Variants in ARHGAP28 observed in about 807,000 individuals in gnomAD.
The protein encoded by ARHGAP28 is Rho GTPase activating protein 28.
ARHGAP28 carries 56 observed loss-of-function variants against 90.7 expected under a neutral mutation model. The ratio of observed to expected loss-of-function variants is 0.62; its 90% confidence interval spans 0.50 to 0.77. ARHGAP28 has a LOEUF of 0.77. Among genes scored for constraint, ARHGAP28 ranks in the 30% least tolerant of loss-of-function variants. The pLI, the probability that ARHGAP28 is intolerant of heterozygous loss-of-function variation, is 0.00. For synonymous variants in ARHGAP28, 308 were observed against 323.3 expected (o/e 0.95, Z 0.51); for missense variants, 869 against 900.9 (o/e 0.96, Z 0.45).
intron 1 of ARHGAP28, among the ~76,000 whole-genome samples, chr18:6,755,775 A>G (rs1455425717): frequency 6.6e-6 from 1 of 152,172 alleles, no homozygotes; most frequent in East Asian, 1.9e-4. Context: ...GTAGTATTCT[A>G]TGTTTTCTAA....
chr18:6,733,165 G>A (rs895914135), intron 1 of ARHGAP28, among the ~76,000 whole-genome samples: 2 of 152,050 alleles, frequency 1.3e-5, no homozygotes, highest in Admixed American at 1.3e-4. Flanking sequence ...AGGGAGTTGT[G>A]GGTACCTAAA....
At chr18:6,825,032 C>A in intron 2 of ARHGAP28, 68 bp downstream of exon 2, 3 of 1,349,162 alleles carry the variant, frequency 2.2e-6, no homozygotes, top group Non-Finnish European at 2.9e-6. Flanking sequence ...TTACTCTGTT[C>A]ATAGGCAGAA....
chr18:6,817,583 T>C (rs963252692), intron 1 of ARHGAP28, among the ~76,000 whole-genome samples: 2 of 152,222 alleles, frequency 1.3e-5, no homozygotes, highest in Non-Finnish European at 1.5e-5. Flanking sequence ...GGCATTTATT[T>C]TTCTCACATT....
intron 3 of ARHGAP28, among the ~76,000 whole-genome samples, chr18:6,849,585 C>CA: frequency 6.6e-6 from 1 of 152,188 alleles, no homozygotes; most frequent in East Asian, 1.9e-4. Context: ...TTTTATAATC[C>CA]AAAAAACTTA....
intron 1 of ARHGAP28, among the ~76,000 whole-genome samples, chr18:6,764,698 T>A (rs959563698): frequency 3.9e-5 from 6 of 152,334 alleles, no homozygotes; most frequent in Middle Eastern, 3.4e-3. Flanking sequence ...TGCTTTAGAA[T>A]TCAAATCAAT....
chr18:6,815,349 T>C (rs952246612), intron 1 of ARHGAP28, among the ~76,000 whole-genome samples: 2 of 152,208 alleles, frequency 1.3e-5, no homozygotes, highest in Admixed American at 6.5e-5. Context: ...TCTCAACCCA[T>C]GCCCCTTTGG....
intron 1 of ARHGAP28, among the ~76,000 whole-genome samples, chr18:6,731,689 G>T (rs1456175726): frequency 6.6e-6 from 1 of 152,104 alleles, no homozygotes; most frequent in East Asian, 1.9e-4. Context: ...AATCACAAGA[G>T]AATAGCTTAA....
At chr18:6,769,921 TA>T (rs1458834725) in intron 1 of ARHGAP28, among the ~76,000 whole-genome samples, 1 of 152,232 alleles carries the variant, frequency 6.6e-6, no homozygotes, top group African/African-American at 2.4e-5. Context: ...CAAATACCCC[TA>T]AACTCTTAGA....
intron 4 of ARHGAP28, among the ~76,000 whole-genome samples, chr18:6,852,637 T>C (rs1406732085): frequency 6.6e-6 from 1 of 152,172 alleles, no homozygotes; most frequent in African/African-American, 2.4e-5. Context: ...ACTAATAGCC[T>C]TAGCATGGAC....
At chr18:6,735,723 T>A (rs1429107854) in intron 1 of ARHGAP28, among the ~76,000 whole-genome samples, 1 of 151,962 alleles carries the variant, frequency 6.6e-6, no homozygotes, top group Non-Finnish European at 1.5e-5. Context: ...CCTGACTAAT[T>A]TTTGTATTTT....
chr18:6,773,117 G>A (rs1382599865), intron 1 of ARHGAP28, among the ~76,000 whole-genome samples: 1 of 152,096 alleles, frequency 6.6e-6, no homozygotes, highest in African/African-American at 2.4e-5. Context: ...TGTGTAGAAT[G>A]TTGTACTTTG....
At chr18:6,897,564 T>G (rs745998793) in intron 16 of ARHGAP28, 7 of 152,220 alleles carry the variant, frequency 4.6e-5, no homozygotes, top group Non-Finnish European at 8.8e-5. Context: ...TTGTAGAGCA[T>G]GTATGATTTG....
chr18:6,742,466 G>C (rs546145270), intron 1 of ARHGAP28, among the ~76,000 whole-genome samples: 4 of 152,158 alleles, frequency 2.6e-5, no homozygotes, highest in Admixed American at 2.6e-4. Flanking sequence ...CATCGTGCCC[G>C]GCCATGACTT....
intron 1 of ARHGAP28, among the ~76,000 whole-genome samples, chr18:6,792,610 A>G (rs1258988103): frequency 1.3e-5 from 2 of 152,214 alleles, no homozygotes; most frequent in African/African-American, 4.8e-5. Flanking sequence ...ATGGAGTGAT[A>G]CAGTGCAAGG....
At chr18:6,783,708 C>A (rs983420874) in intron 1 of ARHGAP28, among the ~76,000 whole-genome samples, 1 of 152,226 alleles carries the variant, frequency 6.6e-6, no homozygotes, top group African/African-American at 2.4e-5. Flanking sequence ...CATCCACAAG[C>A]CCCCCTTGCC....
chr18:6,882,012 C>G lies in ARHGAP28; in HGVS notation c.1291-125C>G, dbSNP rs150024061. On this transcript the variant is annotated intron_variant, in intron 10 of 17. Coordinates refer to ENST00000383472, the MANE Select transcript of ARHGAP28 (RefSeq NM_001366230.1). ...TTAATCATGTTGAAAAAAAATTACT[C>G]TTGGTAGACATTACCTTACCAGTCT... 626 of 816,940 alleles carry G rather than the reference C, an allele frequency of 7.7e-4. No individual in the cohort carries two copies. In the African/African-American group the frequency reaches 0.01, roughly 13 times the overall value. 50.6% of individuals were successfully genotyped at this position (816,940 alleles called of 1,614,324 possible).
chr18:6,797,664 C>CTT (rs1396144186), intron 1 of ARHGAP28, among the ~76,000 whole-genome samples: 1 of 141,696 alleles, frequency 7.1e-6, no homozygotes, highest in African/African-American at 2.6e-5. Flanking sequence ...TTTAGAAACG[C>CTT]TTTTTTTTTT....
chr18:6,834,075 G>A (rs1048820134), intron 2 of ARHGAP28, among the ~76,000 whole-genome samples: 5 of 151,900 alleles, frequency 3.3e-5, no homozygotes, highest in African/African-American at 9.7e-5. Flanking sequence ...GTTAACTGTG[G>A]GAACTAAAAT....
chr18:6,829,898 G>T (rs2056701890), intron 2 of ARHGAP28, among the ~76,000 whole-genome samples: 1 of 152,154 alleles, frequency 6.6e-6, no homozygotes, highest in Admixed American at 6.5e-5. Context: ...CAGCATTAAG[G>T]TGTCAAGCTG....
Sources: gnomAD v4.1 joint callset for allele counts (sites outside exome capture counted in the v4.1 genomes callset) on GRCh38, gnomAD v4.1.1 for gene constraint, MANE v1.5 for transcripts, NCBI Gene and HGNC (gene_info 2026-07-23, HGNC 2026-07-21) for gene names.